The following ETNK1 variants were observed in gnomAD, a reference collection of about 807,000 sequenced individuals.
ETNK1 encodes the protein ethanolamine kinase 1, also known as putative protein product of Nbla10396.
ETNK1 carries 8 observed loss-of-function variants against 45.1 expected under a neutral mutation model. That is an observed-to-expected ratio of 0.18 (90% CI 0.10 to 0.32). The LOEUF (loss-of-function observed/expected upper bound fraction) is 0.32, where lower values mean the gene tolerates loss of function less well. Ranked by LOEUF, ETNK1 falls within the 10% of genes least tolerant of loss-of-function variation. ETNK1 has a pLI of 1.00. For synonymous variants in ETNK1, 152 were observed against 151.9 expected, an observed-to-expected ratio of 1.00 and a Z score of -0.01; for missense variants, 302 against 430.6, an observed-to-expected ratio of 0.70 and a Z score of 2.64.
intron 4 of ETNK1, among the ~76,000 whole-genome samples, chr12:22,662,242 ATTTTTTTTTTT>A (rs774396641): frequency 4.1e-5 from 3 of 73,432 alleles, no homozygotes; most frequent in African/African-American, 1.0e-4. Context: ...TAATTTTTGT[ATTTTTTTTTTT>A]TTTTTTTTTT....
intron 2 of ETNK1, among the ~76,000 whole-genome samples, chr12:22,653,455 CAT>C (rs1953902459): frequency 6.6e-6 from 1 of 152,064 alleles, no homozygotes; most frequent in Admixed American, 6.6e-5. Context: ...GTGGTATTGA[CAT>C]ATTAACAATA....
In ETNK1 at chr12:22,690,275, ATC is replaced by A. The variant is rs1299335309; in HGVS notation, c.*5323_*5324del. 1 of 152,534 alleles carries A rather than the reference ATC, an allele frequency of 6.6e-6. No homozygotes were observed. Among genetic ancestry groups the A allele is most frequent in the Non-Finnish European group, 1.5e-5 (1 of 67,936 alleles). The allele number at this position is 152,534 out of a possible 1,614,324, so 9.4% of individuals were successfully genotyped here. ...GGTGTTTTGCTATGCCTCAGAAAAT[ATC>A]TGTCTGAGAATTTGTTAATCTGTTT... On this transcript the variant is annotated 3_prime_UTR_variant, in exon 8 of 8. Coordinates refer to ENST00000266517, the MANE Select transcript of ETNK1 (RefSeq NM_018638.5).
chr12:22,669,743 G>A (rs1212039313), intron 4 of ETNK1, among the ~76,000 whole-genome samples: 1 of 152,004 alleles, frequency 6.6e-6, no homozygotes, highest in East Asian at 1.9e-4. Context: ...TACAAGGCAG[G>A]AGGATCACTT....
chr12:22,642,488 C>G (rs1342016830), intron 1 of ETNK1, among the ~76,000 whole-genome samples: 1 of 151,854 alleles, frequency 6.6e-6, no homozygotes, highest in Non-Finnish European at 1.5e-5. Flanking sequence ...TATACTAGTT[C>G]ATGAAGTTTT....
intron 1 of ETNK1, among the ~76,000 whole-genome samples, chr12:22,636,349 T>G (rs1292669217): frequency 6.6e-6 from 1 of 152,112 alleles, no homozygotes; most frequent in Non-Finnish European, 1.5e-5. Flanking sequence ...AAAAATGAGG[T>G]CCTGAATGGT....
chr12:22,630,623 T>C (rs769934731), intron 1 of ETNK1, among the ~76,000 whole-genome samples: 3 of 151,964 alleles, frequency 2.0e-5, no homozygotes, highest in Admixed American at 6.6e-5. Flanking sequence ...TTTTATTTTA[T>C]TTTTTTTGAG....
rs567693229 is a variant in ETNK1 at position 22,690,551 on chromosome 12, T to C, written c.*5597T>C. 1 of 152,716 alleles carries C rather than the reference T, an allele frequency of 6.5e-6. No homozygotes were observed. Among genetic ancestry groups the C allele is most frequent in the East Asian group, 1.9e-4 (1 of 5,190 alleles). 9.5% of individuals were successfully genotyped at this position (152,716 alleles called of 1,614,324 possible). A position where few individuals can be genotyped will look rare whatever the true frequency, so the allele number is the denominator to read the frequency against. On this transcript the variant is annotated 3_prime_UTR_variant, in exon 8 of 8. Coordinates refer to ENST00000266517, the MANE Select transcript of ETNK1 (RefSeq NM_018638.5). ...AAATATAAGTGATGTTTAGGCTTTA[T>C]TTCTGTTAATAAGGCTTTTTACCAT...
chr12:22,680,099 C>G (rs1189895392), intron 6 of ETNK1, among the ~76,000 whole-genome samples: 2 of 152,180 alleles, frequency 1.3e-5, no homozygotes, highest in Admixed American at 1.3e-4. Flanking sequence ...CTTTCCTCCT[C>G]TTCTCCCAGC....
chr12:22,677,597 G>T (rs1954174167), intron 6 of ETNK1, among the ~76,000 whole-genome samples: 1 of 152,168 alleles, frequency 6.6e-6, no homozygotes, highest in Non-Finnish European at 1.5e-5. Flanking sequence ...AAGTTACTTT[G>T]GGCAGTATTG....
intron 6 of ETNK1, among the ~76,000 whole-genome samples, chr12:22,676,470 C>T (rs911227153): frequency 3.3e-5 from 5 of 151,986 alleles, no homozygotes; most frequent in Admixed American, 6.5e-5. Context: ...AGTAAACATA[C>T]GTGTGCATGT....
intron 6 of ETNK1, among the ~76,000 whole-genome samples, chr12:22,676,048 T>C (rs1592136362): frequency 6.6e-6 from 1 of 152,324 alleles, no homozygotes; most frequent in East Asian, 1.9e-4. Flanking sequence ...CTGGGGTACA[T>C]GTGCAGAACC....
rs1384823377 is a variant in ETNK1 at position 22,625,669 on chromosome 12, G to A, written c.156+83G>A. ...CTCACCACAATCGCCTCTGTCCCACGATGACCGAGGAGGACCTAGGGCAAC... is the reference window on the plus strand; with the variant it reads ...CTCACCACAATCGCCTCTGTCCCACAATGACCGAGGAGGACCTAGGGCAAC... On this transcript the variant is annotated intron_variant, in intron 1 of 7. Coordinates refer to ENST00000266517, the MANE Select transcript of ETNK1 (RefSeq NM_018638.5). The A allele has an allele frequency of 5.3e-6, 8 of 1,503,968 alleles. No homozygotes were observed. The African/African-American group carries it at 8.3e-5, about 16-fold the overall frequency. The allele number at this position is 1,503,968 out of a possible 1,614,324, so 93.2% of individuals were successfully genotyped here. A position where few individuals can be genotyped will look rare whatever the true frequency, so the allele number is the denominator to read the frequency against.
rs1055266441 is a variant in ETNK1, at chr12:22,690,654, G to A, written c.*5700G>A. 1 of 152,484 alleles carries A rather than the reference G, an allele frequency of 6.6e-6. No homozygotes were observed. The highest frequency in any genetic ancestry group is 1.5e-5 in the Non-Finnish European group (1 of 67,946). The allele number at this position is 152,484 out of a possible 1,614,324, so 9.4% of individuals were successfully genotyped here. On this transcript the variant is annotated 3_prime_UTR_variant, in exon 8 of 8. Coordinates refer to ENST00000266517, the MANE Select transcript of ETNK1 (RefSeq NM_018638.5). ...AAATTCGTTGTAACAATAAAGTTGA[G>A]TTCTAACTACAGTGTATTCATAAAT...
In ETNK1 at chr12:22,671,568, G is replaced by C. The variant is rs144027526; in HGVS notation, c.784+213G>C. On this transcript the variant is annotated intron_variant, in intron 5 of 7. Coordinates refer to ENST00000266517, the MANE Select transcript of ETNK1 (RefSeq NM_018638.5). ...AGAAAGTAATAGGTGGCCGGGCGCGGTGGCTCACGCCTGTAATCCCAGCAC... is the reference window on the plus strand; with the variant it reads ...AGAAAGTAATAGGTGGCCGGGCGCGCTGGCTCACGCCTGTAATCCCAGCAC... Among the ~76,000 whole-genome samples, 596 of 152,248 alleles carry C rather than the reference G, an allele frequency of 3.9e-3. 1 individual carries two copies. Among genetic ancestry groups the C allele is most frequent in the Non-Finnish European group, 6.7e-3 (454 of 68,030 alleles).
At position 22,688,021 on chromosome 12, in the gene ETNK1, C is replaced by A. The variant is rs1014929960; in HGVS notation, c.*3067C>A. 1.3e-5 allele frequency: 2 copies of A among 152,108 alleles called. No homozygotes were observed. The highest frequency in any genetic ancestry group is 3.0e-5 in the Non-Finnish European group (2 of 67,706). The allele number at this position is 152,108 out of a possible 1,614,324, so 9.4% of individuals were successfully genotyped here. A position where few individuals can be genotyped will look rare whatever the true frequency, so the allele number is the denominator to read the frequency against. The stretch of plus-strand genomic sequence containing the variant: ...CCGTTAGGTTTTGTGAGGTTAGATT[C>A]CTGGAAGCAGTGAATTTATACACTG... On this transcript the variant is annotated 3_prime_UTR_variant, in exon 8 of 8. Transcript: ENST00000266517.
intron 2 of ETNK1, among the ~76,000 whole-genome samples, chr12:22,651,015 C>T (rs1953868079): frequency 6.6e-6 from 1 of 152,032 alleles, no homozygotes; most frequent in African/African-American, 2.4e-5. Flanking sequence ...TACAGACAAC[C>T]AGAGTGAGGT....
rs3983448 is a variant in ETNK1 at position 22,686,851 on chromosome 12, A to ATTTTTTTTTTTTTTTTTTT, written c.*1907_*1925dup. On this transcript the variant is annotated 3_prime_UTR_variant, in exon 8 of 8. Coordinates refer to ENST00000266517, the MANE Select transcript of ETNK1 (RefSeq NM_018638.5). ...AGATAAAGAATGTGTAATACTCTTA[A>ATTTTTTTTTTTTTTTTTTT]TTTTTTTTTTTTTTTTTTTTTTTTT... is the stretch of plus-strand genomic sequence containing the variant. 5 of 69,260 alleles carry ATTTTTTTTTTTTTTTTTTT rather than the reference A, an allele frequency of 7.2e-5. No homozygotes were observed. Among genetic ancestry groups the ATTTTTTTTTTTTTTTTTTT allele is most frequent in the African/African-American group, 1.2e-4 (2 of 17,068 alleles). The allele number at this position is 69,260 out of a possible 1,614,324, so 4.3% of individuals were successfully genotyped here.
At chr12:22,650,894 T>C (rs544759964) in intron 2 of ETNK1, among the ~76,000 whole-genome samples, 1 of 152,320 alleles carries the variant, frequency 6.6e-6, no homozygotes, top group South Asian at 2.1e-4. Flanking sequence ...TTATAGTTGT[T>C]CTGAAAAAAT....
In ETNK1 at chr12:22,684,600, G is replaced by A. The variant is rs1339305853; in HGVS notation, c.1019+44G>A. On this transcript the variant is annotated intron_variant, in intron 7 of 7. Transcript: ENST00000266517. ...TATGATTACATTGGTCTCTGCTTTT[G>A]TTTGGATTAACATTAAGAATTCACA... 4.7e-6 allele frequency: 6 copies of A among 1,280,466 alleles called. No homozygotes were observed. The African/African-American group carries it at 8.9e-5, about 19-fold the overall frequency. 79.3% of individuals were successfully genotyped at this position (1,280,466 alleles called of 1,614,324 possible).
Sources: gnomAD v4.1 joint callset for allele counts (sites outside exome capture counted in the v4.1 genomes callset) on GRCh38, gnomAD v4.1.1 for gene constraint, MANE v1.5 for transcripts, NCBI Gene and HGNC (gene_info 2026-07-23, HGNC 2026-07-21) for gene names.